The following PDXDC1 variants were observed in gnomAD, a reference collection of about 807,000 sequenced individuals.
PDXDC1 encodes the protein pyridoxal dependent decarboxylase domain containing 1, also known as pyridoxal-dependent decarboxylase domain-containing protein 1.
A neutral mutation model predicts 100.1 loss-of-function variants in PDXDC1; 42 were observed. That is an observed-to-expected ratio of 0.42 (90% CI 0.33 to 0.54). PDXDC1 has a LOEUF of 0.54. Ranked by LOEUF, PDXDC1 falls within the 20% of genes least tolerant of loss-of-function variation. The pLI is 0.10. For synonymous variants in PDXDC1, 260 were observed against 371.7 expected (o/e 0.70, Z 3.46); for missense variants, 636 against 979.2 (o/e 0.65, Z 4.68).
chr16:15,151,611 T>TA, the PDXDC1 span, among the ~76,000 whole-genome samples: 1 of 110,148 alleles, frequency 9.1e-6, no homozygotes, highest in Non-Finnish European at 2.0e-5. Context: ...TGCTTGCAGA[T>TA]AAAAGGGTGG....
At chr16:15,055,702 C>A in intron 16 of PDXDC1, 1 of 374,820 alleles carries the variant, frequency 2.7e-6, no homozygotes, top group Non-Finnish European at 4.7e-6. Context: ...GCCTCCGGGG[C>A]AGCCCGCTGA....
chr16:15,041,774 C>A, downstream of PDXDC1: 1 of 860,700 alleles, frequency 1.2e-6, no homozygotes, highest in Non-Finnish European at 2.0e-6. Context: ...CGGCAGCCAA[C>A]TGAGTGTGCT....
At chr16:15,150,380 A>C in the PDXDC1 span, among the ~76,000 whole-genome samples, 5 of 149,966 alleles carry the variant, frequency 3.3e-5, no homozygotes, top group African/African-American at 1.2e-4. Flanking sequence ...TAAATAAATA[A>C]ATAAATAAAA....
At chr16:15,044,121 A>T (rs1035082782) in intron 16 of PDXDC1, among the ~76,000 whole-genome samples, 1 of 151,968 alleles carries the variant, frequency 6.6e-6, no homozygotes, top group Non-Finnish European at 1.5e-5. Flanking sequence ...TTTAGTAGAA[A>T]ATCTTGTCCC....
chr16:15,000,946 C>CACTT (rs1433070480), intron 3 of PDXDC1, among the ~76,000 whole-genome samples: 4 of 149,336 alleles, frequency 2.7e-5, no homozygotes, highest in African/African-American at 9.7e-5. Context: ...GTATATAATA[C>CACTT]ACTTATATAT....
intron 16 of PDXDC1, chr16:15,131,700 G>A (rs1756631379): frequency 6.5e-7 from 1 of 1,537,714 alleles, no homozygotes; most frequent in Non-Finnish European, 8.8e-7. Context: ...CCAGGTGGAT[G>A]AGGTCTCCTG....
chr16:15,038,132 GT>G lies in PDXDC1; in HGVS notation c.*1864del. The G allele has an allele frequency of 6.2e-7, 1 of 1,612,152 alleles. No homozygotes were observed. Among genetic ancestry groups the G allele is most frequent in the Non-Finnish European group, 8.5e-7 (1 of 1,178,342 alleles). On this transcript the variant is annotated 3_prime_UTR_variant, in exon 23 of 23. Coordinates refer to ENST00000396410, the MANE Select transcript of PDXDC1 (RefSeq NM_015027.4). ...AACAGTGTGTGAGCTGGAGATGGGT[GT>G]TTTTTTAAAAACATCAAGGTAGATC...
chr16:15,141,437 T>C (rs2048473986), downstream of PDXDC1, among the ~76,000 whole-genome samples: 1 of 152,208 alleles, frequency 6.6e-6, no homozygotes, highest in Non-Finnish European at 1.5e-5. Context: ...CGCTGGGCAC[T>C]GGCTCCCGGA....
chr16:15,044,137 C>T (rs896553083), intron 16 of PDXDC1, among the ~76,000 whole-genome samples: 3 of 152,212 alleles, frequency 2.0e-5, no homozygotes, highest in Non-Finnish European at 2.9e-5. Context: ...GTCCCCAGCC[C>T]TGCTACCCCT....
At chr16:15,062,112 C>T (rs901227971) in intron 16 of PDXDC1, among the ~76,000 whole-genome samples, 2 of 152,128 alleles carry the variant, frequency 1.3e-5, no homozygotes, top group Admixed American at 6.6e-5. Context: ...TCAAGAGTTC[C>T]GAATCCAGCC....
intron 8 of PDXDC1, among the ~76,000 whole-genome samples, chr16:15,014,074 G>A (rs193107396): frequency 1.5e-4 from 23 of 152,312 alleles, no homozygotes; most frequent in Middle Eastern, 3.4e-3. Context: ...GGTTGTGGTG[G>A]CAGGCACCTG....
At position 15,132,407 on chromosome 16, in the gene PDXDC1, GC is replaced by G. The variant is rs1386770227; in HGVS notation, c.1400-6471del. ...GGGGAGGGGTTAGGGGAGGGAAGGG[GC>G]AGGGGAGGGGCTAGGGGAGGGAAGG... On this transcript the variant is annotated intron_variant, in intron 16 of 16. Coordinates refer to the PDXDC1 transcript ENST00000535621. Among the ~76,000 whole-genome samples the G allele has an allele frequency of 4.0e-4, 40 of 99,560 alleles. 1 individual carries two copies. The highest frequency in any genetic ancestry group is 1.8e-3 in the Admixed American group (19 of 10,498). 65.3% of individuals were successfully genotyped at this position (99,560 alleles called of 152,430 possible).
chr16:15,057,395 G>C (rs1289421480), intron 16 of PDXDC1, among the ~76,000 whole-genome samples: 1 of 152,206 alleles, frequency 6.6e-6, no homozygotes, highest in Non-Finnish European at 1.5e-5. Flanking sequence ...AAATGTAGGA[G>C]CTACTATCAA....
chr16:15,148,244 AC>A, the PDXDC1 span, among the ~76,000 whole-genome samples: 1 of 151,756 alleles, frequency 6.6e-6, no homozygotes, highest in Non-Finnish European at 1.5e-5. Flanking sequence ...GGCGTGAGGC[AC>A]CGCGCCCGGC....
downstream of PDXDC1, among the ~76,000 whole-genome samples, chr16:15,143,598 A>G (rs1234444377): frequency 2.0e-5 from 3 of 152,180 alleles, no homozygotes; most frequent in Admixed American, 6.5e-5. Flanking sequence ...GGGTGGGTGA[A>G]GCCTGAGGCT....
At chr16:15,009,469 C>T (rs2041074754) in intron 7 of PDXDC1, 1 of 907,418 alleles carries the variant, frequency 1.1e-6, no homozygotes, top group Non-Finnish European at 1.6e-6. Flanking sequence ...ACAGTTTTTA[C>T]CTTTAATTTT....
chr16:15,077,226 G>A (rs925980656), intron 16 of PDXDC1, among the ~76,000 whole-genome samples: 1 of 151,946 alleles, frequency 6.6e-6, no homozygotes, highest in Admixed American at 6.6e-5. Context: ...TGATCCACCG[G>A]CCTCAGCTTC....
chr16:15,054,547 G>C (rs1416574840), intron 16 of PDXDC1, among the ~76,000 whole-genome samples: 2 of 152,220 alleles, frequency 1.3e-5, no homozygotes, highest in Non-Finnish European at 2.9e-5. Context: ...CAAGGATAAA[G>C]TGACACGCCA....
At chr16:15,128,131 G>C (rs2047848174) in intron 16 of PDXDC1, 10 of 1,608,724 alleles carry the variant, frequency 6.2e-6, no homozygotes, top group East Asian at 4.5e-5. Flanking sequence ...AGGCAGGGCT[G>C]AGCCCTGCAG....
Sources: allele counts gnomAD v4.1 joint callset (sites outside exome capture counted in the v4.1 genomes callset), GRCh38; gene constraint gnomAD v4.1.1; transcripts MANE v1.5; gene names NCBI Gene and HGNC (gene_info 2026-07-23, HGNC 2026-07-21).